The following PKD2L2 variants were observed in gnomAD, a reference collection of about 807,000 sequenced individuals.
The protein encoded by PKD2L2 is polycystin 2 like 2, transient receptor potential cation channel, also known as polycystin-2-like protein 2.
In PKD2L2, 67 loss-of-function variants were observed where a neutral mutation model predicts 83.9. That is an observed-to-expected ratio of 0.80 (90% CI 0.66 to 0.98). The LOEUF is 0.98. Ranked by LOEUF, PKD2L2 falls within the 50% of genes least tolerant of loss-of-function variation. The pLI, the probability that PKD2L2 is intolerant of heterozygous loss-of-function variation, is 0.00. For synonymous variants in PKD2L2, 223 were observed against 237.8 expected (o/e 0.94, Z 0.57); for missense variants, 632 against 717.2 (o/e 0.88, Z 1.36).
At chr5:137,903,113 A>G (rs772811383) in intron 5 of PKD2L2, among the ~76,000 whole-genome samples, 1 of 152,202 alleles carries the variant, frequency 6.6e-6, no homozygotes, top group East Asian at 1.9e-4. Context: ...AGGCTTGCCA[A>G]TATAGCTGCC....
At chr5:137,927,105 G>C (rs1056538417) in intron 12 of PKD2L2, among the ~76,000 whole-genome samples, 2 of 152,134 alleles carry the variant, frequency 1.3e-5, no homozygotes, top group Admixed American at 6.5e-5. Flanking sequence ...ATAACCCATT[G>C]AATAAAAGGA....
At chr5:137,931,625 C>T (rs912561725) in intron 12 of PKD2L2, among the ~76,000 whole-genome samples, 5 of 151,954 alleles carry the variant, frequency 3.3e-5, no homozygotes, top group Non-Finnish European at 7.4e-5. Context: ...GTTTCAACAC[C>T]CAATCTTGAG....
intron 12 of PKD2L2, among the ~76,000 whole-genome samples, chr5:137,929,492 C>A (rs2150056153): frequency 1.1e-4 from 3 of 27,842 alleles, no homozygotes; most frequent in Non-Finnish European, 2.1e-4. Flanking sequence ...AAAGACAAAC[C>A]AATAGAACAA....
chr5:137,935,948 T>C, intron 13 of PKD2L2, 39 bp downstream of exon 13: 1 of 1,100,534 alleles, frequency 9.1e-7, no homozygotes, highest in Non-Finnish European at 1.4e-6. Flanking sequence ...TGGGATATCA[T>C]GACATGCGCA....
intron 4 of PKD2L2, among the ~76,000 whole-genome samples, chr5:137,896,368 A>ACTGCTAC (rs1182607678): frequency 2.0e-5 from 3 of 152,036 alleles, no homozygotes; most frequent in Non-Finnish European, 4.4e-5. Context: ...ACATTCTCAT[A>ACTGCTAC]CTGCTACCTT....
chr5:137,922,237 T>C (rs1469362957), intron 9 of PKD2L2, among the ~76,000 whole-genome samples: 1 of 152,210 alleles, frequency 6.6e-6, no homozygotes, highest in African/African-American at 2.4e-5. Context: ...CTGTCCTCCA[T>C]GAAAACACTT....
chr5:137,929,847 A>C (rs1759718751), intron 12 of PKD2L2, among the ~76,000 whole-genome samples: 1 of 152,122 alleles, frequency 6.6e-6, no homozygotes, highest in South Asian at 2.1e-4. Flanking sequence ...CAAAATGTTA[A>C]ATATAAAAGC....
At chr5:137,939,945 C>G (rs1249424735) in intron 14 of PKD2L2, 1 of 1,373,372 alleles carries the variant, frequency 7.3e-7, no homozygotes, top group Non-Finnish European at 9.4e-7. Context: ...CAGTCTTTTG[C>G]TAAAAGGATG....
In PKD2L2 at chr5:137,890,526, C is replaced by A. The variant is rs773549191; in HGVS notation, c.77C>A (p.Thr26Lys). The change falls in exon 2 of 15, where the codon ACA becomes AAA. Residue 26 changes from threonine to lysine, a missense_variant. Transcript: ENST00000508883. ...CATTACAGAAAGGAAGTAGAAATTA[C>A]AACCACACTTCAGGAATTGTTACTC... ...KLHYRKEVEI[T>K]TTLQELLLYF... 1.8e-5 allele frequency: 28 copies of A among 1,589,506 alleles called. No homozygotes were observed. Among genetic ancestry groups the A allele is most frequent in the African/African-American group, 4.1e-5 (3 of 73,950 alleles).
At chr5:137,913,715 T>C (rs1340015354) in intron 8 of PKD2L2, among the ~76,000 whole-genome samples, 1 of 151,964 alleles carries the variant, frequency 6.6e-6, no homozygotes, top group East Asian at 1.9e-4. Context: ...TAAATGTATT[T>C]TTTATTTTTA....
rs372478250 is a variant in PKD2L2 at position 137,939,806 on chromosome 5, A to G, written c.*18-2578A>G. Reference sequence around the variant, plus strand: ...CTTTCAAATTTTCAGTCATTCTGTAAGAAAAAGGCAACAGAAGAATTCAGT... The same window carrying G: ...CTTTCAAATTTTCAGTCATTCTGTAGGAAAAAGGCAACAGAAGAATTCAGT... On this transcript the variant is annotated intron_variant, in intron 14 of 14. Coordinates refer to ENST00000508883, the MANE Select transcript of PKD2L2 (RefSeq NM_001300921.2). 1.4e-3 allele frequency: 1,686 copies of G among 1,199,846 alleles called. 6 individuals carry two copies. The highest frequency in any genetic ancestry group is 9.5e-3 in the Middle Eastern group (28 of 2,948). 74.3% of individuals were successfully genotyped at this position (1,199,846 alleles called of 1,614,324 possible).
chr5:137,931,272 G>C (rs1014855163), intron 12 of PKD2L2, among the ~76,000 whole-genome samples: 1 of 152,166 alleles, frequency 6.6e-6, no homozygotes, highest in Non-Finnish European at 1.5e-5. Context: ...ATTTTAAGGA[G>C]CAAACAGTTT....
chr5:137,914,614 CTTTA>C (rs758115050), intron 8 of PKD2L2, among the ~76,000 whole-genome samples: 2 of 152,042 alleles, frequency 1.3e-5, no homozygotes, highest in Non-Finnish European at 2.9e-5. Flanking sequence ...GTGTGGGTGC[CTTTA>C]TTTCTTTTTC....
At position 137,930,600 on chromosome 5, in the gene PKD2L2, T is replaced by C. The variant is rs539939233; in HGVS notation, c.1671+4671T>C. 1.8e-4 allele frequency among the ~76,000 whole-genome samples: 27 copies of C among 149,952 alleles called. No homozygotes were observed. The East Asian group carries it at 4.7e-3, about 26-fold the overall frequency. On this transcript the variant is annotated intron_variant, in intron 12 of 14. Coordinates refer to ENST00000508883, the MANE Select transcript of PKD2L2 (RefSeq NM_001300921.2). ...GCAGGTGAACACCGGGAGGTGGAGG[T>C]TGCAGTCAGCCAAGATCACGCCACT...
chr5:137,905,711 G>C (rs765995650), intron 5 of PKD2L2, among the ~76,000 whole-genome samples: 2 of 152,114 alleles, frequency 1.3e-5, no homozygotes, highest in Non-Finnish European at 2.9e-5. Flanking sequence ...TGCTTTAGTA[G>C]AATATGTGAC....
At position 137,890,529 on chromosome 5, in the gene PKD2L2, C is replaced by T; in HGVS notation, c.80C>T (p.Thr27Ile). The T allele has an allele frequency of 1.9e-6, 3 of 1,589,762 alleles. No individual in the cohort carries two copies. Among genetic ancestry groups the T allele is most frequent in the Non-Finnish European group, 2.6e-6 (3 of 1,166,622 alleles). The change falls in exon 2 of 15, where the codon ACC becomes ATC. Residue 27 changes from threonine to isoleucine, a missense_variant. Coordinates refer to ENST00000508883, the MANE Select transcript of PKD2L2 (RefSeq NM_001300921.2). ...TACAGAAAGGAAGTAGAAATTACAA[C>T]CACACTTCAGGAATTGTTACTCTAC... is the stretch of plus-strand genomic sequence containing the variant. ...LHYRKEVEIT[T>I]TLQELLLYFI...
chr5:137,899,448 T>C, intron 4 of PKD2L2, 68 bp from the exon 5 acceptor site: 1 of 1,104,812 alleles, frequency 9.1e-7, no homozygotes, highest in Non-Finnish European at 1.3e-6. Context: ...CAAAGATCGA[T>C]TTAAATTCTT....
At chr5:137,903,433 T>C (rs1580911202) in intron 5 of PKD2L2, among the ~76,000 whole-genome samples, 1 of 152,192 alleles carries the variant, frequency 6.6e-6, no homozygotes, top group Admixed American at 6.5e-5. Flanking sequence ...TACCACAGGC[T>C]CTAACATTTC....
intron 12 of PKD2L2, among the ~76,000 whole-genome samples, chr5:137,929,534 CAAAAAAAAAAAAAAAAA>C (rs756601170): frequency 5.8e-4 from 2 of 3,440 alleles, no homozygotes; most frequent in African/African-American, 1.2e-3. Flanking sequence ...ACAAAATTGC[CAAAAAAAAAAAAAAAAA>C]AAAAAAAACA....
Sources: allele counts gnomAD v4.1 joint callset (sites outside exome capture counted in the v4.1 genomes callset), GRCh38; gene constraint gnomAD v4.1.1; transcripts MANE v1.5; gene names NCBI Gene and HGNC (gene_info 2026-07-23, HGNC 2026-07-21).